Variants in ARID3B observed in about 807,000 individuals in gnomAD.
ARID3B encodes the protein AT-rich interactive domain-containing protein 3B.
In ARID3B, 10 loss-of-function variants were observed where a neutral mutation model predicts 51.9. The ratio of observed to expected loss-of-function variants is 0.19; its 90% CI spans 0.12 to 0.33. ARID3B has a LOEUF of 0.33. Ranked by LOEUF, ARID3B falls within the 10% of genes least tolerant of loss-of-function variation. The pLI, the probability that ARID3B is intolerant of heterozygous loss-of-function variation, is 1.00. For missense variants in ARID3B, 483 were observed against 716.3 expected, an observed-to-expected ratio of 0.67 and a Z score of 3.72; for synonymous variants, 205 against 279.5, an observed-to-expected ratio of 0.73 and a Z score of 2.66.
At chr15:74,557,914 A>C (rs2061664863) in intron 2 of ARID3B, among the ~76,000 whole-genome samples, 1 of 146,104 alleles carries the variant, frequency 6.8e-6, no homozygotes, top group Non-Finnish European at 1.5e-5. Flanking sequence ...CACTGCCTTC[A>C]GGGTTCATGC....
intron 2 of ARID3B, among the ~76,000 whole-genome samples, chr15:74,563,041 A>G (rs2061684651): frequency 6.6e-6 from 1 of 152,174 alleles, no homozygotes; most frequent in Admixed American, 6.5e-5. Context: ...TTATTCACTT[A>G]GCTTGTGCTG....
At chr15:74,584,177 C>T (rs2141474748) in intron 4 of ARID3B, among the ~76,000 whole-genome samples, 1 of 152,302 alleles carries the variant, frequency 6.6e-6, no homozygotes, top group Middle Eastern at 3.4e-3. Context: ...GGTAGTTTTT[C>T]AGCCCTTGTC....
chr15:74,571,473 C>T (rs1431174677), intron 2 of ARID3B, among the ~76,000 whole-genome samples: 5 of 152,170 alleles, frequency 3.3e-5, no homozygotes, highest in Non-Finnish European at 7.3e-5. Context: ...GTGTCCAGGC[C>T]ACTGGGACCT....
At chr15:74,593,291 A>G in intron 8 of ARID3B, 55 bp downstream of exon 8, 2 of 1,519,408 alleles carry the variant, frequency 1.3e-6, no homozygotes, top group South Asian at 1.2e-5. Flanking sequence ...GCCACAGGGC[A>G]GCTCTGCGGC....
chr15:74,560,491 G>C (rs2061676024), intron 2 of ARID3B, among the ~76,000 whole-genome samples: 1 of 151,910 alleles, frequency 6.6e-6, no homozygotes, highest in African/African-American at 2.4e-5. Flanking sequence ...CTCTGCTCTG[G>C]CAGTCCTCCA....
intron 2 of ARID3B, among the ~76,000 whole-genome samples, chr15:74,550,663 C>T (rs924925387): frequency 2.6e-5 from 4 of 151,332 alleles, no homozygotes; most frequent in African/African-American, 9.7e-5. Flanking sequence ...GCTGAGATCA[C>T]ACCACTGCAC....
At chr15:74,548,919 A>C (rs2061625544) in intron 2 of ARID3B, among the ~76,000 whole-genome samples, 1 of 152,092 alleles carries the variant, frequency 6.6e-6, no homozygotes, top group Non-Finnish European at 1.5e-5. Flanking sequence ...AACCATGAGC[A>C]AAATCAATCT....
Position 74,570,462 on chromosome 15 carries a change from C to CAAAAAAAA in ARID3B, c.553-2372_553-2365dup, listed in dbSNP as rs71137395. ...AGTGCTTGGAAGTTACTATAATTAG[C>CAAAAAAAA]AAAAAAAAAAAAAAAAAAAAAAAAA... On this transcript the variant is annotated intron_variant, in intron 2 of 8. Coordinates refer to ENST00000346246, the MANE Select transcript of ARID3B (RefSeq NM_006465.4). 4.2e-4 allele frequency among the ~76,000 whole-genome samples: 27 copies of CAAAAAAAA among 64,610 alleles called. 4 individuals carry two copies. The highest frequency in any genetic ancestry group is 5.6e-4 in the Non-Finnish European group (17 of 30,482). 42.4% of individuals were successfully genotyped at this position (64,610 alleles called of 152,430 possible). A position where few individuals can be genotyped will look rare whatever the true frequency, so the allele number is the denominator to read the frequency against.
chr15:74,574,891 A>G (rs1221590865), intron 4 of ARID3B: 1 of 151,536 alleles, frequency 6.6e-6, no homozygotes, highest in African/African-American at 2.4e-5. Context: ...AGTTCCAGCT[A>G]CTCAGGAGGC....
At chr15:74,546,027 G>A (rs954015271) in intron 2 of ARID3B, among the ~76,000 whole-genome samples, 1 of 152,170 alleles carries the variant, frequency 6.6e-6, no homozygotes, top group South Asian at 2.1e-4. Context: ...GCTCTTTTAT[G>A]TAAACAGTGC....
At chr15:74,595,076 G>A (rs2061819193) in intron 8 of ARID3B, among the ~76,000 whole-genome samples, 1 of 152,124 alleles carries the variant, frequency 6.6e-6, no homozygotes, top group Non-Finnish European at 1.5e-5. Context: ...CACCCCACCT[G>A]GCTCTGTCAC....
chr15:74,591,953 C>T lies in ARID3B; in HGVS notation c.1420+139C>T, dbSNP rs2061805460. The T allele has an allele frequency of 7.3e-7, 1 of 1,370,966 alleles. No homozygotes were observed. Among genetic ancestry groups the T allele is most frequent in the Admixed American group, 2.5e-5 (1 of 40,194 alleles). 84.9% of individuals were successfully genotyped at this position (1,370,966 alleles called of 1,614,324 possible). ...CCCCTCCAGGTTCTGCCTTCCAGGC[C>T]CCTAGAAGAGAGGCACTGAGATCTT... On this transcript the variant is annotated intron_variant, in intron 7 of 8. Transcript: ENST00000346246. This position sits in a 1 kb window ranked among gnomAD's most constrained non-coding sequence, Gnocchi z 5.8.
chr15:74,542,226 C>G (rs553122583), intron 1 of ARID3B, among the ~76,000 whole-genome samples: 1 of 152,196 alleles, frequency 6.6e-6, no homozygotes, highest in Non-Finnish European at 1.5e-5. Flanking sequence ...CTGTAATTTT[C>G]TTTGACCCAA....
intron 8 of ARID3B, among the ~76,000 whole-genome samples, chr15:74,593,983 C>T (rs941781741): frequency 4.6e-5 from 7 of 151,260 alleles, no homozygotes; most frequent in African/African-American, 1.5e-4. Context: ...GTCGAGGCTG[C>T]AGTAAGCCGT....
chr15:74,568,792 T>G (rs1051499241), intron 2 of ARID3B, among the ~76,000 whole-genome samples: 1 of 152,130 alleles, frequency 6.6e-6, no homozygotes, highest in Non-Finnish European at 1.5e-5. Context: ...TAAATGGCAG[T>G]AAGTGGCCAC....
At chr15:74,571,829 C>T (rs1052467531) in intron 2 of ARID3B, among the ~76,000 whole-genome samples, 3 of 152,148 alleles carry the variant, frequency 2.0e-5, no homozygotes, top group African/African-American at 4.8e-5. Context: ...CTTGGCTGGG[C>T]GCAGTGGCTC....
At chr15:74,593,761 C>T (rs1209110278) in intron 8 of ARID3B, among the ~76,000 whole-genome samples, 1 of 152,186 alleles carries the variant, frequency 6.6e-6, no homozygotes, top group African/African-American at 2.4e-5. Context: ...GTATTCATGA[C>T]TGGGCACGGT....
Position 74,597,983 on chromosome 15 carries a change from G to A in ARID3B, c.*2209G>A, listed in dbSNP as rs1020837326. 1.7e-5 allele frequency: 9 copies of A among 532,062 alleles called. No homozygotes were observed. Among genetic ancestry groups the A allele is most frequent in the Non-Finnish European group, 2.9e-5 (8 of 273,500 alleles). 33.0% of individuals were successfully genotyped at this position (532,062 alleles called of 1,614,324 possible). A position where few individuals can be genotyped will look rare whatever the true frequency, so the allele number is the denominator to read the frequency against. The stretch of plus-strand genomic sequence containing the variant: ...CTCCATCTTATATGTATTCTAACCA[G>A]GAAAAATGTGATAGCACATGGGTAG... On this transcript the variant is annotated 3_prime_UTR_variant, in exon 9 of 9. Coordinates refer to ENST00000346246, the MANE Select transcript of ARID3B (RefSeq NM_006465.4).
intron 2 of ARID3B, among the ~76,000 whole-genome samples, chr15:74,560,031 T>TAA (rs71137394): frequency 5.6e-5 from 2 of 35,640 alleles, no homozygotes; most frequent in Admixed American, 1.2e-3. Flanking sequence ...CTGTCTCTAC[T>TAA]AAAAAAAAAA....
Sources: gnomAD v4.1 joint callset for allele counts (sites outside exome capture counted in the v4.1 genomes callset) on GRCh38, gnomAD v4.1.1 for gene constraint, Gnocchi (gnomAD v3.1) non-coding constraint, MANE v1.5 for transcripts, NCBI Gene and HGNC (gene_info 2026-07-23, HGNC 2026-07-21) for gene names.